Variants in DPP6 observed in about 807,000 individuals in gnomAD.
DPP6 encodes the protein A-type potassium channel modulatory protein DPP6.
Under a neutral mutation model 122.6 loss-of-function variants are expected in DPP6, and 69 were observed. The observed-to-expected ratio is 0.56, with a 90% CI of 0.46 to 0.69. The LOEUF (loss-of-function observed/expected upper bound fraction) is 0.69, where lower values mean the gene tolerates loss of function less well. Among genes scored for constraint, DPP6 ranks in the 30% least tolerant of loss-of-function variants. DPP6 has a pLI of 0.00. For synonymous variants in DPP6, 418 were observed against 433.1 expected (o/e 0.97, Z 0.43); for missense variants, 928 against 1,116.9 (o/e 0.83, Z 2.41).
intron 7 of DPP6, among the ~76,000 whole-genome samples, chr7:154,685,390 A>G (rs1272763029): frequency 6.6e-6 from 1 of 152,202 alleles, no homozygotes; most frequent in Non-Finnish European, 1.5e-5. Context: ...TTGTGTAACT[A>G]CGAATGCTGT....
chr7:154,784,428 C>T (rs1797216018), intron 10 of DPP6, among the ~76,000 whole-genome samples: 1 of 152,200 alleles, frequency 6.6e-6, no homozygotes, highest in Non-Finnish European at 1.5e-5. Context: ...GAGCCTTTAA[C>T]ACTCAAGCAC....
intron 1 of DPP6, among the ~76,000 whole-genome samples, chr7:154,371,378 C>CAAAAAAAAAAAAAAAAAA (rs1167770083): frequency 2.3e-4 from 11 of 47,712 alleles, no homozygotes; most frequent in Non-Finnish European, 2.6e-4. Context: ...AACTCTGTCT[C>CAAAAAAAAAAAAAAAAAA]AAAAAAAAAA....
At chr7:154,263,263 G>A (rs1394407284) in intron 1 of DPP6, among the ~76,000 whole-genome samples, 1 of 152,164 alleles carries the variant, frequency 6.6e-6, no homozygotes, top group Non-Finnish European at 1.5e-5. Flanking sequence ...CTCCTGAAAG[G>A]AGCAAAGAAA....
At chr7:154,033,991 C>T (rs927553719) in intron 1 of DPP6, among the ~76,000 whole-genome samples, 24 of 152,320 alleles carry the variant, frequency 1.6e-4, no homozygotes, top group African/African-American at 5.8e-4. Context: ...CAGAATATCT[C>T]TGCCCTGGTG....
the DPP6 span, among the ~76,000 whole-genome samples, chr7:153,796,822 A>T: frequency 6.6e-6 from 1 of 152,166 alleles, no homozygotes; most frequent in African/African-American, 2.4e-5. Context: ...CCAGGAGGGT[A>T]AAATACCCAG....
chr7:154,325,272 C>T (rs1282802222), intron 1 of DPP6, among the ~76,000 whole-genome samples: 1 of 152,162 alleles, frequency 6.6e-6, no homozygotes, highest in Non-Finnish European at 1.5e-5. Context: ...TCTCCTCACT[C>T]CATCCCCCTT....
intron 3 of DPP6, among the ~76,000 whole-genome samples, chr7:154,522,417 A>C (rs1387302793): frequency 1.3e-5 from 2 of 152,138 alleles, no homozygotes; most frequent in Non-Finnish European, 2.9e-5. Context: ...GGAGCTCATT[A>C]ACCAGCCAGC....
At chr7:153,802,654 A>G in the DPP6 span, among the ~76,000 whole-genome samples, 1 of 152,164 alleles carries the variant, frequency 6.6e-6, no homozygotes, top group African/African-American at 2.4e-5. Context: ...GCTGCCTCCA[A>G]TTCCCTTGCC....
intron 1 of DPP6, among the ~76,000 whole-genome samples, chr7:154,315,606 C>G (rs1053014503): frequency 6.6e-6 from 1 of 152,092 alleles, no homozygotes; most frequent in Non-Finnish European, 1.5e-5. Context: ...TATTGACCAG[C>G]AGCCATCACC....
chr7:153,889,795 C>G (rs1799108008), intron 1 of DPP6, among the ~76,000 whole-genome samples: 1 of 152,212 alleles, frequency 6.6e-6, no homozygotes, highest in Non-Finnish European at 1.5e-5. Context: ...CCCATATTTT[C>G]AGAGTTATTT....
chr7:154,755,817 G>A lies in DPP6; in HGVS notation c.884-13600G>A, dbSNP rs150397317. ...GGGTTGGAAGAGGTCGGAGTGGGGC[G>A]CGTCCCAGGTCGGGAATGTTAGGAC... On this transcript the variant is annotated intron_variant, in intron 8 of 25. Transcript: ENST00000377770. The surrounding 1 kb of genome is among the most constrained non-coding windows in gnomAD (Gnocchi z 4.7). Among the ~76,000 whole-genome samples the A allele has an allele frequency of 5.3e-5, 8 of 152,322 alleles. No homozygotes were observed. Among genetic ancestry groups the A allele is most frequent in the African/African-American group, 1.4e-4 (6 of 41,566 alleles).
In DPP6 at chr7:154,833,910, G is replaced by A. The variant is rs1563262491; in HGVS notation, c.1667-19870G>A. On this transcript the variant is annotated intron_variant, in intron 16 of 25. Coordinates refer to ENST00000377770, the MANE Select transcript of DPP6 (RefSeq NM_130797.4). This position sits in a 1 kb window ranked among gnomAD's most constrained non-coding sequence, Gnocchi z 4.3. ...GCAGAACTGGATATGGAAGGCCTGG[G>A]CTAGGCCTGGATGGTCCCGGGGCTG... is the stretch of plus-strand genomic sequence containing the variant. Among the ~76,000 whole-genome samples the A allele has an allele frequency of 6.6e-6, 1 of 152,182 alleles. No homozygotes were observed. Among genetic ancestry groups the A allele is most frequent in the African/African-American group, 2.4e-5 (1 of 41,444 alleles).
chr7:154,168,358 C>T (rs74564780), intron 1 of DPP6, among the ~76,000 whole-genome samples: 3,794 of 152,276 alleles, frequency 0.025, 149 homozygotes, highest in African/African-American at 0.085. Flanking sequence ...GACACATAAA[C>T]GCATTGATCA....
At chr7:154,390,376 C>T (rs560097033) in intron 1 of DPP6, among the ~76,000 whole-genome samples, 1 of 152,158 alleles carries the variant, frequency 6.6e-6, no homozygotes, top group Non-Finnish European at 1.5e-5. Flanking sequence ...GAGTTTTGTT[C>T]TGAGTGAGAT....
chr7:153,984,095 C>G (rs1796725479), intron 1 of DPP6, among the ~76,000 whole-genome samples: 1 of 147,502 alleles, frequency 6.8e-6, no homozygotes. Context: ...CACACACACA[C>G]ACACACACGT....
intron 1 of DPP6, among the ~76,000 whole-genome samples, chr7:154,338,183 G>T (rs1268667254): frequency 6.6e-6 from 1 of 152,172 alleles, no homozygotes; most frequent in East Asian, 1.9e-4. Flanking sequence ...TCCATGAGCA[G>T]TTGTACTCCA....
intron 1 of DPP6, among the ~76,000 whole-genome samples, chr7:154,443,524 ATG>A (rs1819569184): frequency 1.4e-5 from 2 of 144,142 alleles, no homozygotes; most frequent in South Asian, 2.1e-4. Context: ...GGATGGATGG[ATG>A]GATGGATGGA....
chr7:154,522,104 C>A (rs1827035522), intron 3 of DPP6, among the ~76,000 whole-genome samples: 1 of 152,218 alleles, frequency 6.6e-6, no homozygotes, highest in South Asian at 2.1e-4. Flanking sequence ...GCTGGGACTA[C>A]AGGCACCTGC....
chr7:154,503,858 A>G (rs2129659881), intron 3 of DPP6, among the ~76,000 whole-genome samples: 1 of 152,342 alleles, frequency 6.6e-6, no homozygotes, highest in East Asian at 1.9e-4. Context: ...TGGGCTTAAT[A>G]TCTGGGTAAT....
Sources: gnomAD v4.1 joint callset for allele counts (sites outside exome capture counted in the v4.1 genomes callset) on GRCh38, gnomAD v4.1.1 for gene constraint, Gnocchi (gnomAD v3.1) non-coding constraint, MANE v1.5 for transcripts, NCBI Gene and HGNC (gene_info 2026-07-23, HGNC 2026-07-21) for gene names.